Variants in FAT3 observed in about 807,000 individuals in gnomAD.
The protein encoded by FAT3 is protocadherin Fat 3.
A neutral mutation model predicts 310.2 loss-of-function variants in FAT3; 95 were observed. The ratio of observed to expected loss-of-function variants is 0.31; its 90% CI spans 0.26 to 0.36. The LOEUF is 0.36. FAT3 is among the 10% of genes least tolerant of loss of function. FAT3 has a pLI of 1.00. For synonymous variants in FAT3, 2,314 were observed against 2,192.9 expected (o/e 1.06, Z -1.54); for missense variants, 5,408 against 5,715.6 (o/e 0.95, Z 1.74).
chr11:92,274,670 A>G (rs1359233863), intron 1 of FAT3, among the ~76,000 whole-genome samples: 1 of 151,958 alleles, frequency 6.6e-6, no homozygotes, highest in Non-Finnish European at 1.5e-5. Context: ...AAAGCTTTAT[A>G]TTTTTCTATT....
At chr11:92,528,872 C>T (rs1477993578) in intron 3 of FAT3, among the ~76,000 whole-genome samples, 5 of 152,178 alleles carry the variant, frequency 3.3e-5, no homozygotes, top group African/African-American at 9.7e-5. Flanking sequence ...TTAACTATTA[C>T]GATCATCATC....
intron 13 of FAT3, among the ~76,000 whole-genome samples, chr11:92,814,710 A>C (rs952769335): frequency 6.6e-6 from 1 of 152,186 alleles, no homozygotes; most frequent in East Asian, 1.9e-4. Context: ...GGCCTGTTGG[A>C]GTGTAGGGGA....
At chr11:92,619,210 C>T (rs1376129447) in intron 3 of FAT3, among the ~76,000 whole-genome samples, 1 of 151,968 alleles carries the variant, frequency 6.6e-6, no homozygotes, top group Non-Finnish European at 1.5e-5. Context: ...GTTGTATAAC[C>T]TTTTTTATTC....
chr11:92,789,118 A>C (rs537705902), intron 7 of FAT3, among the ~76,000 whole-genome samples: 103 of 152,282 alleles, frequency 6.8e-4, no homozygotes, highest in African/African-American at 2.5e-3. Context: ...TTCTCTGTTT[A>C]GGTGCAGCAA....
At chr11:92,309,671 A>G (rs1195264502) in intron 1 of FAT3, among the ~76,000 whole-genome samples, 1 of 152,108 alleles carries the variant, frequency 6.6e-6, no homozygotes, top group Non-Finnish European at 1.5e-5. Context: ...GGTAGCTGGT[A>G]TCTCAGACAG....
At chr11:92,511,759 A>G (rs911970249) in intron 2 of FAT3, among the ~76,000 whole-genome samples, 8 of 152,202 alleles carry the variant, frequency 5.3e-5, no homozygotes, top group African/African-American at 1.9e-4. Flanking sequence ...GATGTGCACA[A>G]AAGCAAAGGA....
intron 3 of FAT3, among the ~76,000 whole-genome samples, chr11:92,593,303 C>A (rs146452864): frequency 7.4e-4 from 112 of 152,060 alleles, no homozygotes; most frequent in African/African-American, 2.4e-3. Context: ...GCTTCTAATT[C>A]TTTTGGGCAT....
intron 2 of FAT3, among the ~76,000 whole-genome samples, chr11:92,483,778 A>G (rs779226406): frequency 9.9e-5 from 15 of 152,204 alleles, no homozygotes; most frequent in Non-Finnish European, 1.0e-4. Flanking sequence ...AGATCATTGC[A>G]TAGTATCTGG....
At chr11:92,349,299 G>A (rs1299286206) in intron 1 of FAT3, among the ~76,000 whole-genome samples, 3 of 152,180 alleles carry the variant, frequency 2.0e-5, no homozygotes, top group African/African-American at 4.8e-5. Flanking sequence ...TTACTTTACC[G>A]TGTTCACATG....
chr11:92,677,942 C>A (rs891012510), intron 3 of FAT3, among the ~76,000 whole-genome samples: 4 of 152,122 alleles, frequency 2.6e-5, no homozygotes, highest in Non-Finnish European at 5.9e-5. Context: ...AGAGGCTCCT[C>A]ATTGGTTACT....
At chr11:92,869,031 C>T (rs1310739129) in intron 22 of FAT3, among the ~76,000 whole-genome samples, 1 of 152,228 alleles carries the variant, frequency 6.6e-6, no homozygotes, top group Non-Finnish European at 1.5e-5. Context: ...ACCTCTTTGT[C>T]TTCCTGTTCC....
At chr11:92,716,628 T>C (rs911425195) in intron 4 of FAT3, among the ~76,000 whole-genome samples, 2 of 152,184 alleles carry the variant, frequency 1.3e-5, no homozygotes, top group Non-Finnish European at 2.9e-5. Context: ...CACAGGTGAG[T>C]TGGACTTAGG....
chr11:92,287,694 T>A (rs1254174063), intron 1 of FAT3, among the ~76,000 whole-genome samples: 1 of 152,182 alleles, frequency 6.6e-6, no homozygotes, highest in Non-Finnish European at 1.5e-5. Flanking sequence ...GTTATCCCTG[T>A]GGTTTCTTTC....
intron 3 of FAT3, among the ~76,000 whole-genome samples, chr11:92,611,530 C>T (rs1940562669): frequency 6.6e-6 from 1 of 152,146 alleles, no homozygotes; most frequent in Non-Finnish European, 1.5e-5. Flanking sequence ...GCCTCAGCAT[C>T]CCAAGTTGGT....
chr11:92,318,007 A>G (rs997343694), intron 1 of FAT3, among the ~76,000 whole-genome samples: 1 of 152,162 alleles, frequency 6.6e-6, no homozygotes, highest in Non-Finnish European at 1.5e-5. Flanking sequence ...CAGAAATCAT[A>G]TGTCTTCACT....
At chr11:92,279,544 A>G (rs1946368114) in intron 1 of FAT3, among the ~76,000 whole-genome samples, 1 of 152,164 alleles carries the variant, frequency 6.6e-6, no homozygotes, top group Non-Finnish European at 1.5e-5. Flanking sequence ...CCCACCAAAA[A>G]AAGAGGTACT....
intron 10 of FAT3, among the ~76,000 whole-genome samples, chr11:92,802,702 G>A (rs116438836): frequency 2.7e-4 from 41 of 152,188 alleles, no homozygotes; most frequent in South Asian, 8.3e-4. Context: ...TTTTGATGTC[G>A]TCACATTCAA....
chr11:92,438,154 TA>T (rs1454949505), intron 2 of FAT3, among the ~76,000 whole-genome samples: 1 of 152,184 alleles, frequency 6.6e-6, no homozygotes, highest in Non-Finnish European at 1.5e-5. Context: ...CTTGGTTAAG[TA>T]AATAAACACA....
At chr11:92,889,120 G>A in intron 25 of FAT3, 69 bp from the exon 26 acceptor site, 2 of 644,968 alleles carry the variant, frequency 3.1e-6, no homozygotes, top group Non-Finnish European at 2.8e-6. Flanking sequence ...AAAATAAGGT[G>A]TGTTTAAAAT....
Sources: gnomAD v4.1 joint callset for allele counts (sites outside exome capture counted in the v4.1 genomes callset) on GRCh38, gnomAD v4.1.1 for gene constraint, MANE v1.5 for transcripts, NCBI Gene and HGNC (gene_info 2026-07-23, HGNC 2026-07-21) for gene names.